Variants in GARRE1 observed in about 807,000 individuals in gnomAD.
GARRE1 encodes the protein granule associated Rac and RHOG effector protein 1.
In GARRE1, 49 loss-of-function variants were observed where a neutral mutation model predicts 103.2. That is an observed-to-expected ratio of 0.47 (90% CI 0.38 to 0.60). The LOEUF (loss-of-function observed/expected upper bound fraction) is 0.60, where lower values mean the gene tolerates loss of function less well. Among genes scored for constraint, GARRE1 ranks in the 20% least tolerant of loss-of-function variants. The pLI is 0.00. For missense variants in GARRE1, 1,199 were observed against 1,370.5 expected, an observed-to-expected ratio of 0.87 and a Z score of 1.98; for synonymous variants, 505 against 532.8, an observed-to-expected ratio of 0.95 and a Z score of 0.72.
intron 8 of GARRE1, among the ~76,000 whole-genome samples, 199 bp downstream of exon 8, chr19:34,334,000 T>C (rs897758550): frequency 5.9e-5 from 9 of 152,226 alleles, no homozygotes; most frequent in African/African-American, 2.2e-4. Flanking sequence ...CCAAGAGGTC[T>C]GAAAAATGGT....
intron 1 of GARRE1, among the ~76,000 whole-genome samples, chr19:34,289,522 C>A (rs186780688): frequency 6.6e-6 from 1 of 151,760 alleles, no homozygotes; most frequent in South Asian, 2.1e-4. Flanking sequence ...GTCAGAAGAT[C>A]GAGACCATCT....
intron 1 of GARRE1, among the ~76,000 whole-genome samples, chr19:34,294,701 C>T (rs1323032324): frequency 6.6e-6 from 1 of 151,878 alleles, no homozygotes; most frequent in African/African-American, 2.4e-5. Context: ...GAAAACTGGA[C>T]ATTTTATTTT....
rs1391576689 is a variant in GARRE1 at position 34,300,520 on chromosome 19, G to A, written c.47G>A (p.Arg16His). Reference sequence around the variant, plus strand: ...GACAGTAAAATGGACTACAAGCGGCGCTTCCTGCTTGGCGGGTCCAAGCAG... The same window carrying A: ...GACAGTAAAATGGACTACAAGCGGCACTTCCTGCTTGGCGGGTCCAAGCAG... ...AQDSKMDYKR[R>H]FLLGGSKQKV... Residue 16 changes from arginine to histidine, a missense_variant, in exon 2 of 14, where the codon CGC becomes CAC. Coordinates refer to ENST00000299505, the MANE Select transcript of GARRE1 (RefSeq NM_014686.5). 8.7e-6 allele frequency: 14 copies of A among 1,612,644 alleles called. No individual in the cohort carries two copies. The highest frequency in any genetic ancestry group is 1.7e-5 in the Admixed American group (1 of 59,918).
At chr19:34,312,899 C>T (rs1428132717) in intron 2 of GARRE1, among the ~76,000 whole-genome samples, 1 of 151,766 alleles carries the variant, frequency 6.6e-6, no homozygotes, top group Non-Finnish European at 1.5e-5. Flanking sequence ...TGCACTCCAG[C>T]CTGAGCAACA....
At position 34,279,240 on chromosome 19, in the gene GARRE1, T is replaced by C. The variant is rs1460167177; in HGVS notation, c.-795-20439T>C. Among the ~76,000 whole-genome samples, 3 of 152,298 alleles carry C rather than the reference T, an allele frequency of 2.0e-5. No homozygotes were observed. The East Asian group carries it at 5.8e-4, about 29-fold the overall frequency. On this transcript the variant is annotated intron_variant, in intron 1 of 13. Transcript: ENST00000299505. ...CTGTTTTCCACAGTGGCTGCACTATTTTATATTCCCACTAGCAATACACAA... is the reference window on the plus strand; with the variant it reads ...CTGTTTTCCACAGTGGCTGCACTATCTTATATTCCCACTAGCAATACACAA...
Position 34,354,371 on chromosome 19 carries a change from T to C in GARRE1, c.*1416T>C, listed in dbSNP as rs1320667021. On this transcript the variant is annotated 3_prime_UTR_variant, in exon 14 of 14. Transcript: ENST00000299505. ...TTCTACAGATATAAGTAAATTTATA[T>C]ATAAAAATACCAAAAAGAGGCTGGG... 6.6e-6 allele frequency: 1 copy of C among 152,146 alleles called. No individual in the cohort carries two copies. Among genetic ancestry groups the C allele is most frequent in the East Asian group, 1.9e-4 (1 of 5,188 alleles). 9.4% of individuals were successfully genotyped at this position (152,146 alleles called of 1,614,324 possible). A position where few individuals can be genotyped will look rare whatever the true frequency, so the allele number is the denominator to read the frequency against.
intron 1 of GARRE1, among the ~76,000 whole-genome samples, chr19:34,258,603 T>G (rs2073690994): frequency 6.6e-6 from 1 of 151,392 alleles, no homozygotes; most frequent in Admixed American, 6.6e-5. Context: ...GCTAACATGG[T>G]GAAACCCCAT....
At chr19:34,320,735 T>TG (rs1877718635) in intron 3 of GARRE1, among the ~76,000 whole-genome samples, 1 of 151,430 alleles carries the variant, frequency 6.6e-6, no homozygotes, top group African/African-American at 2.4e-5. Context: ...TTCTTTTTTT[T>TG]TTTTGAGACA....
chr19:34,342,051 G>A lies in GARRE1; in HGVS notation c.2117G>A (p.Gly706Glu), dbSNP rs748699442. The A allele has an allele frequency of 6.2e-7, 1 of 1,614,036 alleles. No homozygotes were observed. The highest frequency in any genetic ancestry group is 1.3e-5 in the African/African-American group (1 of 75,018). Reference sequence around the variant, plus strand: ...CCTCCACCACGGGCACCCCAGGCTGGGGCACACACACCTCTGACACCCCAG... The same window carrying A: ...CCTCCACCACGGGCACCCCAGGCTGAGGCACACACACCTCTGACACCCCAG... ...VPPPPRAPQA[G>E]AHTPLTPQPG... Residue 706 changes from glycine (G) to glutamate (E), a missense_variant, in exon 10 of 14, where the codon GGG becomes GAG. Coordinates refer to ENST00000299505, the MANE Select transcript of GARRE1 (RefSeq NM_014686.5).
intron 13 of GARRE1, 48 bp downstream of exon 13, chr19:34,351,640 C>T (rs1272302114): frequency 7.3e-7 from 1 of 1,366,216 alleles, no homozygotes; most frequent in African/African-American, 1.4e-5. Flanking sequence ...GCTTCCACAG[C>T]TGCAGTTTTC....
At chr19:34,291,390 G>A (rs2073917207) in intron 1 of GARRE1, among the ~76,000 whole-genome samples, 1 of 152,170 alleles carries the variant, frequency 6.6e-6, no homozygotes, top group Non-Finnish European at 1.5e-5. Context: ...AGTTAGTTAT[G>A]TGAAGAAAGT....
At chr19:34,267,482 A>G (rs1332792945) in intron 1 of GARRE1, among the ~76,000 whole-genome samples, 3 of 151,988 alleles carry the variant, frequency 2.0e-5, no homozygotes, top group Non-Finnish European at 4.4e-5. Flanking sequence ...CTGGGATTAC[A>G]GGTATGAGCC....
Position 34,280,976 on chromosome 19 carries a change from G to A in GARRE1, c.-795-18703G>A, listed in dbSNP as rs1413789140. 7.3e-5 allele frequency among the ~76,000 whole-genome samples: 11 copies of A among 150,978 alleles called. No individual in the cohort carries two copies. The East Asian group carries it at 2.1e-3, about 29-fold the overall frequency. On this transcript the variant is annotated intron_variant, in intron 1 of 13. Coordinates refer to ENST00000299505, the MANE Select transcript of GARRE1 (RefSeq NM_014686.5). ...AGAACTAGGAAATACATACTTTTTG[G>A]AAAGAAAAAGATACACCATGATTTC...
chr19:34,347,268 T>C (rs990155903), intron 10 of GARRE1, among the ~76,000 whole-genome samples: 5 of 151,970 alleles, frequency 3.3e-5, no homozygotes, highest in South Asian at 2.1e-4. Context: ...TTTGTATTTT[T>C]AGTAGTGGTG....
Position 34,324,920 on chromosome 19 carries a change from A to ACTTTATAT in GARRE1, c.706-2501_706-2500insCTTTATAT, listed in dbSNP as rs1422494893. Among the ~76,000 whole-genome samples the ACTTTATAT allele has an allele frequency of 2.0e-5, 3 of 152,206 alleles. 1 individual carries two copies. On this transcript the variant is annotated intron_variant, in intron 3 of 13. Transcript: ENST00000299505. ...TAAGGTATTATTTTACACAGTCTGAAACTTTATATACATAATGTCATTCAG... is the reference window on the plus strand; with the variant it reads ...TAAGGTATTATTTTACACAGTCTGAACTTTATATACTTTATATACATAATGTCATTCAG...
At chr19:34,328,515 A>G (rs2074122833) in intron 6 of GARRE1, among the ~76,000 whole-genome samples, 1 of 133,868 alleles carries the variant, frequency 7.5e-6, no homozygotes, top group Admixed American at 7.8e-5. Flanking sequence ...GGCGACAAGC[A>G]AAACTCTGTC....
chr19:34,352,084 C>T (rs1385926021), intron 13 of GARRE1, among the ~76,000 whole-genome samples: 3 of 145,972 alleles, frequency 2.1e-5, no homozygotes, highest in Admixed American at 6.8e-5. Context: ...GGTGACAGAG[C>T]GAGACTGCCT....
intron 1 of GARRE1, among the ~76,000 whole-genome samples, chr19:34,279,466 T>A (rs917932336): frequency 1.3e-5 from 2 of 151,914 alleles, no homozygotes; most frequent in Admixed American, 6.6e-5. Context: ...TTTTTTTTTT[T>A]ATTTTTAGTA....
chr19:34,351,395 C>A, intron 12 of GARRE1, 119 bp from the exon 13 acceptor site: 1 of 770,082 alleles, frequency 1.3e-6, no homozygotes, highest in Non-Finnish European at 2.3e-6. Context: ...CCCAGGCAGG[C>A]CTCCTCCCCT....
Sources: gnomAD v4.1 joint callset for allele counts (sites outside exome capture counted in the v4.1 genomes callset) on GRCh38, gnomAD v4.1.1 for gene constraint, MANE v1.5 for transcripts, NCBI Gene and HGNC (gene_info 2026-07-23, HGNC 2026-07-21) for gene names.